Variants in EEA1 observed in about 807,000 individuals in gnomAD.
The protein encoded by EEA1 is early endosome antigen 1, also known as early endosome antigen 1, 162kD.
In EEA1, 111 loss-of-function variants were observed where a neutral mutation model predicts 209.2. That is an observed-to-expected ratio of 0.53 (90% CI 0.45 to 0.62). EEA1 has a LOEUF of 0.62. EEA1 is among the 20% of genes least tolerant of loss of function. The pLI, the probability that EEA1 is intolerant of heterozygous loss-of-function variation, is 0.00. For missense variants in EEA1, 1,343 were observed against 1,530.8 expected (o/e 0.88, Z 2.05); for synonymous variants, 536 against 540.6 (o/e 0.99, Z 0.12).
At chr12:92,871,675 A>C (rs1181935214) in intron 2 of EEA1, among the ~76,000 whole-genome samples, 1 of 152,232 alleles carries the variant, frequency 6.6e-6, no homozygotes. Flanking sequence ...AACTGTACAA[A>C]AGGTGAAAAT....
intron 1 of EEA1, among the ~76,000 whole-genome samples, chr12:92,918,970 C>T (rs1333416406): frequency 7.6e-6 from 1 of 132,236 alleles, no homozygotes; most frequent in Non-Finnish European, 1.6e-5. Context: ...ACAAACACCT[C>T]TACGCAAATA....
chr12:92,831,587 A>T (rs371767819), intron 11 of EEA1, among the ~76,000 whole-genome samples: 29 of 146,462 alleles, frequency 2.0e-4, no homozygotes, highest in African/African-American at 6.5e-4. Flanking sequence ...TATATATATA[A>T]AATATATATT....
intron 22 of EEA1, among the ~76,000 whole-genome samples, chr12:92,783,119 T>C (rs1445912369): frequency 6.6e-6 from 1 of 152,312 alleles, no homozygotes; most frequent in Middle Eastern, 3.4e-3. Flanking sequence ...AAAGAGGGTG[T>C]CATGAAAACC....
At chr12:92,810,578 G>A (rs1049536728) in intron 17 of EEA1, among the ~76,000 whole-genome samples, 8 of 151,860 alleles carry the variant, frequency 5.3e-5, no homozygotes, top group Non-Finnish European at 1.0e-4. Context: ...ACGCTTCACC[G>A]GGTTGAGGAA....
intron 2 of EEA1, among the ~76,000 whole-genome samples, chr12:92,886,524 G>C (rs1309063132): frequency 3.4e-5 from 2 of 59,502 alleles, no homozygotes; most frequent in Non-Finnish European, 6.8e-5. Context: ...GAAAGGAAGG[G>C]ATGGGAGGGG....
At chr12:92,917,399 G>T (rs1459708586) in intron 1 of EEA1, among the ~76,000 whole-genome samples, 1 of 149,076 alleles carries the variant, frequency 6.7e-6, no homozygotes, top group Admixed American at 6.7e-5. Context: ...GGATCTCTCG[G>T]CAGAAACCCT....
At chr12:92,859,856 C>T (rs925592007) in intron 3 of EEA1, among the ~76,000 whole-genome samples, 21 of 152,162 alleles carry the variant, frequency 1.4e-4, no homozygotes, top group African/African-American at 4.6e-4. Flanking sequence ...GAAGCCTTCC[C>T]CTTATCCTCC....
chr12:92,909,120 A>G (rs762169746), intron 1 of EEA1, among the ~76,000 whole-genome samples: 11 of 152,134 alleles, frequency 7.2e-5, no homozygotes, highest in Non-Finnish European at 8.8e-5. Context: ...CTGTTTCTTA[A>G]CAATAATTCT....
At chr12:92,820,755 G>GTA (rs34228902) in intron 13 of EEA1, among the ~76,000 whole-genome samples, 2,933 of 147,724 alleles carry the variant, frequency 0.02, 81 homozygotes, top group African/African-American at 0.065. Flanking sequence ...AGAGCTTAAA[G>GTA]TATATATATA....
intron 3 of EEA1, 92 bp from the exon 4 acceptor site, chr12:92,857,577 T>C (rs1877936862): frequency 1.4e-6 from 1 of 735,336 alleles, no homozygotes; most frequent in African/African-American, 1.8e-5. Context: ...TGTATATTAA[T>C]ATTATAGTTT....
chr12:92,777,722 AG>A, intron 26 of EEA1, 59 bp from the exon 27 acceptor site: 5 of 1,530,148 alleles, frequency 3.3e-6, no homozygotes, highest in Non-Finnish European at 4.4e-6. Context: ...AGACCCTTCT[AG>A]GGTATAGATA....
At chr12:92,928,824 T>C (rs1881310176) in intron 1 of EEA1, among the ~76,000 whole-genome samples, 1 of 150,808 alleles carries the variant, frequency 6.6e-6, no homozygotes, top group Non-Finnish European at 1.5e-5. Flanking sequence ...GCGCCAGGCC[T>C]GGACGCGCGG....
At position 92,773,203 on chromosome 12, in the gene EEA1, T is replaced by C. The variant is rs578167216; in HGVS notation, c.*2808A>G. The C allele has an allele frequency of 9.2e-5, 14 of 152,270 alleles. No individual in the cohort carries two copies. The highest frequency in any genetic ancestry group is 3.3e-4 in the Admixed American group (5 of 15,240). The allele number at this position is 152,270 out of a possible 1,614,324, so 9.4% of individuals were successfully genotyped here. ...TCATGAATATCAAAATATATGATCA[T>C]AATTTGCTCTCTACTTAAAAGCTAA... On this transcript the variant is annotated 3_prime_UTR_variant, in exon 29 of 29. Coordinates refer to ENST00000322349, the MANE Select transcript of EEA1 (RefSeq NM_003566.4).
intron 1 of EEA1, among the ~76,000 whole-genome samples, chr12:92,894,239 C>A (rs1879775150): frequency 6.6e-6 from 1 of 152,088 alleles, no homozygotes; most frequent in Non-Finnish European, 1.5e-5. Context: ...GGCCATTTCC[C>A]AGTCTCTCTC....
intron 1 of EEA1, among the ~76,000 whole-genome samples, chr12:92,921,903 A>C (rs1450206825): frequency 6.6e-6 from 1 of 150,922 alleles, no homozygotes; most frequent in Non-Finnish European, 1.5e-5. Flanking sequence ...AAGAAAAGAA[A>C]GCTATTAGAA....
rs1013178692 is a variant in EEA1 at position 92,833,001 on chromosome 12, A to G, written c.916-151T>C. 5.1e-6 allele frequency: 3 copies of G among 593,808 alleles called. No individual in the cohort carries two copies. In the African/African-American group the frequency reaches 5.6e-5, roughly 11 times the overall value. The allele number at this position is 593,808 out of a possible 1,614,324, so 36.8% of individuals were successfully genotyped here. A position where few individuals can be genotyped will look rare whatever the true frequency, so the allele number is the denominator to read the frequency against. On this transcript the variant is annotated intron_variant, in intron 10 of 28. Transcript: ENST00000322349. ...GTGACAATGTTCTAGTCAAGAATTA[A>G]ATCATTACATACTAACTTGTGATTT...
At chr12:92,843,811 T>C (rs1490512600) in intron 9 of EEA1, among the ~76,000 whole-genome samples, 3 of 152,196 alleles carry the variant, frequency 2.0e-5, no homozygotes, top group South Asian at 2.1e-4. Context: ...TTAATACTTA[T>C]ACTTATTCAT....
At chr12:92,813,237 T>C (rs1277021692) in intron 15 of EEA1, 144 bp from the exon 16 acceptor site, 4 of 454,190 alleles carry the variant, frequency 8.8e-6, no homozygotes, top group Non-Finnish European at 1.5e-5. Flanking sequence ...TTGAAAAATA[T>C]GTATGTGAAA....
chr12:92,912,488 G>A (rs924301733), intron 1 of EEA1, among the ~76,000 whole-genome samples: 1 of 152,190 alleles, frequency 6.6e-6, no homozygotes, highest in Non-Finnish European at 1.5e-5. Context: ...ACTAGCCTTA[G>A]ACACATGTGG....
Sources: gnomAD v4.1 joint callset for allele counts (sites outside exome capture counted in the v4.1 genomes callset) on GRCh38, gnomAD v4.1.1 for gene constraint, MANE v1.5 for transcripts, NCBI Gene and HGNC (gene_info 2026-07-23, HGNC 2026-07-21) for gene names.